Variants in TPRX1 observed in about 807,000 individuals in gnomAD.
TPRX1 encodes tetrapeptide repeat homeobox 1.
In TPRX1, 2 loss-of-function variants were observed where a neutral mutation model predicts 8.1. That is an observed-to-expected ratio of 0.25 (90% CI 0.10 to 0.78). TPRX1 has a LOEUF of 0.78. Among genes scored for constraint, TPRX1 ranks in the 30% least tolerant of loss-of-function variants. The probability of loss-of-function intolerance (pLI) is 0.70; values close to 1 mark genes in which losing one functional copy is unlikely to be tolerated. For synonymous variants in TPRX1, 257 were observed against 254.1 expected, an observed-to-expected ratio of 1.01 and a Z score of -0.11; for missense variants, 517 against 586.9, an observed-to-expected ratio of 0.88 and a Z score of 1.23.
intron 2 of TPRX1, among the ~76,000 whole-genome samples, chr19:47,818,312 C>CCCATCCATCCAT (rs143765247): frequency 2.9e-4 from 30 of 101,886 alleles, no homozygotes; most frequent in African/African-American, 1.5e-3. Context: ...CCATCCATCA[C>CCCATCCATCCAT]CCATCCATCC....
chr19:47,805,470 G>A (rs1967727468), intron 2 of TPRX1, among the ~76,000 whole-genome samples: 1 of 152,156 alleles, frequency 6.6e-6, no homozygotes, highest in Admixed American at 6.5e-5. Flanking sequence ...CGTCTTCTCT[G>A]TCAGACACCT....
intron 2 of TPRX1, among the ~76,000 whole-genome samples, chr19:47,813,503 C>T (rs554766221): frequency 3.9e-5 from 6 of 152,200 alleles, no homozygotes; most frequent in African/African-American, 1.2e-4. Context: ...CTCCGGTGAC[C>T]GTGGCGGCGA....
intron 3 of TPRX1, among the ~76,000 whole-genome samples, chr19:47,803,185 G>A (rs568497457): frequency 7.0e-6 from 1 of 142,644 alleles, no homozygotes; most frequent in South Asian, 2.6e-4. Context: ...GGTGGGGTGG[G>A]ATGGGAGGAG....
At chr19:47,802,281 AGATTGGGCCTGG>A (rs1190800257) in exon 4 of TPRX1, 5 of 1,371,528 alleles carry the variant, frequency 3.6e-6, no homozygotes, top group South Asian at 1.4e-5. Flanking sequence ...TTCGGGCCTG[AGATTGGGCCTGG>A]GATCGGGCCT....
chr19:47,818,616 T>C, intron 1 of TPRX1: 1 of 454,306 alleles, frequency 2.2e-6, no homozygotes, highest in South Asian at 1.6e-5. Flanking sequence ...GTTAGGGAGC[T>C]AAGGGGGTGC....
At chr19:47,810,980 G>A (rs1967777454) in intron 2 of TPRX1, among the ~76,000 whole-genome samples, 1 of 147,774 alleles carries the variant, frequency 6.8e-6, no homozygotes, top group African/African-American at 2.5e-5. Context: ...TTGAAACACT[G>A]TCCTTGCTCT....
At chr19:47,818,388 C>CTCCA (rs201507309) in intron 2 of TPRX1, 153,360 of 342,396 alleles carry the variant, frequency 0.45, 42,375 homozygotes, top group East Asian at 0.67. Flanking sequence ...CCATCCATCC[C>CTCCA]TCCATCCATC....
chr19:47,805,962 C>T (rs776937191), intron 2 of TPRX1, among the ~76,000 whole-genome samples: 70 of 152,326 alleles, frequency 4.6e-4, no homozygotes, highest in African/African-American at 1.3e-3. Context: ...CGGTGGCTCA[C>T]GCCTGTAATC....
intron 2 of TPRX1, among the ~76,000 whole-genome samples, chr19:47,816,739 A>G (rs62131911): frequency 0.33 from 49,377 of 150,992 alleles, 8,287 homozygotes; most frequent in Middle Eastern, 0.41. Flanking sequence ...TCACCATGTT[A>G]GCCAGGATGG....
At chr19:47,808,429 A>G (rs947260247) in intron 2 of TPRX1, among the ~76,000 whole-genome samples, 1 of 140,496 alleles carries the variant, frequency 7.1e-6, no homozygotes, top group African/African-American at 2.7e-5. Flanking sequence ...TTCTTATTTT[A>G]TTTATTTATT....
chr19:47,817,874 C>T lies in TPRX1; in HGVS notation c.151+594G>A, dbSNP rs73941262. ...CCTCCCGACTCAGCCATGTTCAGGG[C>T]CCTCCCTTGTTGGCCCTGCCAGCCT... On this transcript the variant is annotated intron_variant, in intron 2 of 3. Transcript: ENST00000535759. Among the ~76,000 whole-genome samples the T allele has an allele frequency of 2.8e-3, 420 of 152,348 alleles. 4 individuals are homozygous for T. Among genetic ancestry groups the T allele is most frequent in the African/African-American group, 8.7e-3 (361 of 41,586 alleles).
At chr19:47,817,124 C>G (rs78446073) in intron 2 of TPRX1, among the ~76,000 whole-genome samples, 6,247 of 152,224 alleles carry the variant, frequency 0.041, 344 homozygotes, top group African/African-American at 0.13. Flanking sequence ...ACAGGTAAGG[C>G]CTGAATGCTC....
chr19:47,808,874 A>G (rs1417787438), intron 2 of TPRX1, among the ~76,000 whole-genome samples: 2 of 152,198 alleles, frequency 1.3e-5, no homozygotes, highest in African/African-American at 2.4e-5. Flanking sequence ...AATTGGATTA[A>G]TTCACGCCCA....
exon 4 of TPRX1, chr19:47,802,031 A>C (rs748508057): frequency 6.2e-7 from 1 of 1,609,556 alleles, no homozygotes; most frequent in Non-Finnish European, 8.5e-7. Flanking sequence ...TGGGGCTGGG[A>C]GTGATCCTGG....
chr19:47,810,695 A>T (rs982386625), intron 2 of TPRX1, among the ~76,000 whole-genome samples: 5 of 148,660 alleles, frequency 3.4e-5, no homozygotes, highest in African/African-American at 1.2e-4. Flanking sequence ...GATGGGGTTG[A>T]CCTCTTGGTG....
chr19:47,811,170 A>T (rs1429577083), intron 2 of TPRX1, among the ~76,000 whole-genome samples: 1 of 150,532 alleles, frequency 6.6e-6, no homozygotes, highest in Non-Finnish European at 1.5e-5. Flanking sequence ...TGCTTGGCTA[A>T]TTTTTGTATT....
At chr19:47,801,734 A>G in exon 4 of TPRX1, 1 of 1,514,728 alleles carries the variant, frequency 6.6e-7, no homozygotes, top group Non-Finnish European at 8.9e-7. Context: ...CAGCCACTCC[A>G]GGCCCTCTGG....
At chr19:47,808,469 A>G (rs1192001211) in intron 2 of TPRX1, among the ~76,000 whole-genome samples, 1 of 150,032 alleles carries the variant, frequency 6.7e-6, no homozygotes, top group African/African-American at 2.5e-5. Context: ...TCTGTCACCC[A>G]GACTAAAGTG....
intron 2 of TPRX1, among the ~76,000 whole-genome samples, chr19:47,815,129 T>TATATATATGCAAATATATATATATGCAA (rs1555800035): frequency 3.9e-5 from 4 of 101,752 alleles, no homozygotes; most frequent in African/African-American, 1.4e-4. Flanking sequence ...TATATATATA[T>TATATATATGCAAATATATATATATGCAA]ATATATATAT....
Sources: allele counts gnomAD v4.1 joint callset (sites outside exome capture counted in the v4.1 genomes callset), GRCh38; gene constraint gnomAD v4.1.1; transcripts MANE v1.5; gene names NCBI Gene and HGNC (gene_info 2026-07-23, HGNC 2026-07-21).